KCNQ5: variants seen among roughly 807,000 people sequenced by gnomAD.
KCNQ5 encodes the protein potassium voltage-gated channel subfamily Q member 5, also known as potassium voltage-gated channel subfamily KQT member 5.
Under a neutral mutation model 98.2 loss-of-function variants are expected in KCNQ5, and 30 were observed. The ratio of observed to expected loss-of-function variants is 0.31; its 90% CI spans 0.23 to 0.41. KCNQ5 has a LOEUF of 0.41. Among genes scored for constraint, KCNQ5 ranks in the 10% least tolerant of loss-of-function variants. KCNQ5 has a pLI of 1.00. For synonymous variants in KCNQ5, 458 were observed against 449.4 expected (o/e 1.02, Z -0.24); for missense variants, 835 against 1,182.5 (o/e 0.71, Z 4.31).
chr6:72,939,220 C>T (rs1766109136), intron 1 of KCNQ5, among the ~76,000 whole-genome samples: 1 of 152,092 alleles, frequency 6.6e-6, no homozygotes, highest in South Asian at 2.1e-4. Flanking sequence ...GAACCCAGTC[C>T]CTCAGGGACA....
At chr6:72,713,062 T>C (rs559448130) in intron 1 of KCNQ5, among the ~76,000 whole-genome samples, 1 of 152,298 alleles carries the variant, frequency 6.6e-6, no homozygotes, top group East Asian at 1.9e-4. Context: ...AATGAATACA[T>C]GCTTAAAGTC....
chr6:73,174,231 A>C (rs909225173), intron 11 of KCNQ5, among the ~76,000 whole-genome samples: 2 of 152,150 alleles, frequency 1.3e-5, no homozygotes, highest in African/African-American at 4.8e-5. Context: ...TCACACTTTT[A>C]AGGCCACTCT....
intron 1 of KCNQ5, among the ~76,000 whole-genome samples, chr6:72,651,039 A>G (rs908221743): frequency 1.5e-4 from 23 of 152,216 alleles, no homozygotes; most frequent in Admixed American, 6.6e-4. Context: ...ACTGTTTTGT[A>G]AATGATAAAT....
intron 12 of KCNQ5, among the ~76,000 whole-genome samples, 154 bp downstream of exon 12, chr6:73,190,858 CT>C (rs1275073834): frequency 6.6e-6 from 1 of 152,110 alleles, no homozygotes; most frequent in Non-Finnish European, 1.5e-5. Flanking sequence ...TTTTATTTTG[CT>C]TTTAACATAG....
intron 1 of KCNQ5, among the ~76,000 whole-genome samples, chr6:72,817,523 C>T (rs922998738): frequency 3.3e-5 from 5 of 152,108 alleles, no homozygotes; most frequent in South Asian, 2.1e-4. Context: ...GAGAAAGTAC[C>T]GCTCAGTGCA....
intron 1 of KCNQ5, among the ~76,000 whole-genome samples, chr6:72,648,833 A>G (rs1765735895): frequency 6.6e-6 from 1 of 151,800 alleles, no homozygotes; most frequent in African/African-American, 2.4e-5. Context: ...AGAAGAAAAA[A>G]AAAGAAAAGC....
intron 2 of KCNQ5, among the ~76,000 whole-genome samples, chr6:73,029,904 CAAAA>C (rs56804434): frequency 3.8e-5 from 3 of 78,656 alleles, no homozygotes; most frequent in African/African-American, 1.6e-4. Context: ...GACTCCGTCT[CAAAA>C]AAAAAAAAAA....
intron 1 of KCNQ5, among the ~76,000 whole-genome samples, chr6:72,735,566 A>C (rs949547230): frequency 2.6e-5 from 4 of 152,124 alleles, no homozygotes; most frequent in African/African-American, 7.2e-5. Context: ...TGTATCTTTA[A>C]ATAAAGAAAA....
At chr6:72,657,568 A>C (rs968899544) in intron 1 of KCNQ5, among the ~76,000 whole-genome samples, 9 of 152,232 alleles carry the variant, frequency 5.9e-5, no homozygotes, top group African/African-American at 2.2e-4. Flanking sequence ...TAAGTGCCTA[A>C]GGAAAGAAAC....
In KCNQ5 at chr6:72,977,946, G is replaced by A. The variant is rs568402122; in HGVS notation, c.399-25962G>A. On this transcript the variant is annotated intron_variant, in intron 1 of 13. Transcript: ENST00000370398. Reference sequence around the variant, plus strand: ...CCCCTGAATACTACATGTTGAATGCGTCAATGAATTGATTAGTACCTGTAC... The same window carrying A: ...CCCCTGAATACTACATGTTGAATGCATCAATGAATTGATTAGTACCTGTAC... Among the ~76,000 whole-genome samples, 17 of 152,204 alleles carry A rather than the reference G, an allele frequency of 1.1e-4. No homozygotes were observed. The South Asian group carries it at 2.9e-3, about 26-fold the overall frequency.
At chr6:72,671,006 T>C (rs757611000) in intron 1 of KCNQ5, among the ~76,000 whole-genome samples, 20 of 152,196 alleles carry the variant, frequency 1.3e-4, no homozygotes, top group Non-Finnish European at 2.6e-4. Flanking sequence ...TTTGCCACCT[T>C]ATAACAAGGA....
intron 1 of KCNQ5, among the ~76,000 whole-genome samples, chr6:72,818,080 C>T (rs1007319895): frequency 1.3e-5 from 2 of 152,086 alleles, no homozygotes; most frequent in Non-Finnish European, 2.9e-5. Context: ...TTTAAAAAAT[C>T]GAAGCTCAGT....
chr6:72,723,864 TG>T (rs1166652671), intron 1 of KCNQ5, among the ~76,000 whole-genome samples: 2 of 152,182 alleles, frequency 1.3e-5, no homozygotes, highest in Non-Finnish European at 2.9e-5. Context: ...TTAGTGCAGA[TG>T]AGAACTCTCC....
intron 1 of KCNQ5, among the ~76,000 whole-genome samples, chr6:72,904,096 C>T (rs569344252): frequency 6.6e-6 from 1 of 152,214 alleles, no homozygotes; most frequent in Non-Finnish European, 1.5e-5. Flanking sequence ...CCCTCTTTGT[C>T]TTTTTTAACT....
chr6:73,120,451 C>CT, intron 7 of KCNQ5, 32 bp from the exon 8 acceptor site: 1 of 1,467,880 alleles, frequency 6.8e-7, no homozygotes, highest in Non-Finnish European at 9.4e-7. Context: ...TCTCTTTTTT[C>CT]TTTTTCATGT....
intron 1 of KCNQ5, among the ~76,000 whole-genome samples, chr6:72,832,238 A>G (rs1367293579): frequency 6.6e-6 from 1 of 152,112 alleles, no homozygotes; most frequent in African/African-American, 2.4e-5. Context: ...AGATGTGGCA[A>G]TGGATAAGAT....
chr6:73,166,257 C>A (rs1777790161), intron 10 of KCNQ5, among the ~76,000 whole-genome samples: 1 of 151,710 alleles, frequency 6.6e-6, no homozygotes, highest in South Asian at 2.1e-4. Flanking sequence ...ATGGTGAAAC[C>A]CCGACACTAC....
chr6:73,055,133 G>C (rs1279160446), intron 3 of KCNQ5: 2 of 765,258 alleles, frequency 2.6e-6, no homozygotes, highest in Non-Finnish European at 4.8e-6. Context: ...CCAGCACAGC[G>C]AGAGTGAGTG....
intron 1 of KCNQ5, among the ~76,000 whole-genome samples, chr6:72,762,304 G>A (rs1772327876): frequency 1.3e-5 from 2 of 151,938 alleles, no homozygotes; most frequent in African/African-American, 2.4e-5. Context: ...CTAAAGGGAG[G>A]TGAAAAGGGA....
Sources: allele counts gnomAD v4.1 joint callset (sites outside exome capture counted in the v4.1 genomes callset), GRCh38; gene constraint gnomAD v4.1.1; transcripts MANE v1.5; gene names NCBI Gene and HGNC (gene_info 2026-07-23, HGNC 2026-07-21).